The following ITGAV variants were observed in gnomAD, a reference collection of about 807,000 sequenced individuals.
The protein encoded by ITGAV is integrin alpha-V.
Under a neutral mutation model 143.8 loss-of-function variants are expected in ITGAV, and 76 were observed. That is an observed-to-expected ratio of 0.53 (90% CI 0.44 to 0.64). The LOEUF (loss-of-function observed/expected upper bound fraction) is 0.64, where lower values mean the gene tolerates loss of function less well. ITGAV is among the 30% of genes least tolerant of loss of function. The probability of loss-of-function intolerance (pLI) is 0.00; values close to 1 mark genes in which losing one functional copy is unlikely to be tolerated. For missense variants in ITGAV, 1,193 were observed against 1,274.7 expected (o/e 0.94, Z 0.98); for synonymous variants, 453 against 446.7 (o/e 1.01, Z -0.18).
chr2:186,634,382 C>T (rs1687898780), intron 6 of ITGAV, among the ~76,000 whole-genome samples: 1 of 152,100 alleles, frequency 6.6e-6, no homozygotes, highest in Admixed American at 6.6e-5. Context: ...AATTAGAAAA[C>T]CTTTGACTGG....
intron 2 of ITGAV, among the ~76,000 whole-genome samples, chr2:186,621,540 G>C (rs1488503464): frequency 2.0e-5 from 3 of 152,054 alleles, no homozygotes; most frequent in Non-Finnish European, 4.4e-5. Flanking sequence ...AAAAAAAATT[G>C]TCTGGACATA....
chr2:186,664,901 T>C (rs1198461752), intron 20 of ITGAV, among the ~76,000 whole-genome samples: 3 of 152,172 alleles, frequency 2.0e-5, no homozygotes, highest in Non-Finnish European at 2.9e-5. Context: ...GTCCATCAAA[T>C]TATTTGTCAG....
intron 4 of ITGAV, among the ~76,000 whole-genome samples, chr2:186,630,029 A>G (rs1361287997): frequency 1.3e-4 from 20 of 152,136 alleles, no homozygotes; most frequent in Non-Finnish European, 2.9e-4. Flanking sequence ...GTTGGAAAAT[A>G]CTTGAAAGTA....
intron 26 of ITGAV, among the ~76,000 whole-genome samples, chr2:186,670,150 A>G (rs1231861848): frequency 9.2e-5 from 14 of 152,240 alleles, no homozygotes; most frequent in Admixed American, 9.2e-4. Context: ...ACAAAAATAC[A>G]TTGGAATAAT....
rs1307086318 is a variant in ITGAV at position 186,679,532 on chromosome 2, C to G, written c.*2240C>G. ...CATGATTAAATATCAAAAAATTGCCCTATGAAAACTTTAAATCTCTAAAAC... is the reference window on the plus strand; with the variant it reads ...CATGATTAAATATCAAAAAATTGCCGTATGAAAACTTTAAATCTCTAAAAC... On this transcript the variant is annotated 3_prime_UTR_variant, in exon 30 of 30. Coordinates refer to ENST00000261023, the MANE Select transcript of ITGAV (RefSeq NM_002210.5). 3 of 151,452 alleles carry G rather than the reference C, an allele frequency of 2.0e-5. No individual in the cohort carries two copies. The highest frequency in any genetic ancestry group is 7.3e-5 in the African/African-American group (3 of 41,240). The allele number at this position is 151,452 out of a possible 1,614,324, so 9.4% of individuals were successfully genotyped here. A position where few individuals can be genotyped will look rare whatever the true frequency, so the allele number is the denominator to read the frequency against.
intron 28 of ITGAV, chr2:186,676,410 T>C (rs919865863): frequency 1.7e-5 from 3 of 171,908 alleles, no homozygotes; most frequent in Non-Finnish European, 3.7e-5. Flanking sequence ...AAGACCAGCC[T>C]GGCCAACATG....
intron 17 of ITGAV, 35 bp from the exon 18 acceptor site, chr2:186,659,003 A>G: frequency 3.2e-6 from 5 of 1,558,126 alleles, no homozygotes; most frequent in Non-Finnish European, 4.4e-6. Context: ...ATTTAGGTTG[A>G]CGTTATCATT....
intron 2 of ITGAV, among the ~76,000 whole-genome samples, chr2:186,612,745 C>T (rs964044007): frequency 2.6e-5 from 4 of 152,164 alleles, no homozygotes; most frequent in Non-Finnish European, 4.4e-5. Flanking sequence ...TTAAGTTTTA[C>T]TTCCTCCTAT....
intron 2 of ITGAV, among the ~76,000 whole-genome samples, chr2:186,610,982 T>C (rs1221275859): frequency 6.6e-6 from 1 of 152,214 alleles, no homozygotes; most frequent in Non-Finnish European, 1.5e-5. Flanking sequence ...CTGTTATCTT[T>C]AGTTCTGGAG....
chr2:186,678,939 GA>G lies in ITGAV; in HGVS notation c.*1648del. On this transcript the variant is annotated 3_prime_UTR_variant, in exon 30 of 30. Transcript: ENST00000261023. ...TCTTGAGAATATATTCGTAAAATAG[GA>G]GCACATTTAGTTGAGGTATACAAGG... The G allele has an allele frequency of 2.8e-6, 1 of 354,776 alleles. No individual in the cohort carries two copies. Among genetic ancestry groups the G allele is most frequent in the South Asian group, 2.2e-5 (1 of 44,850 alleles). The allele number at this position is 354,776 out of a possible 1,614,324, so 22.0% of individuals were successfully genotyped here.
Position 186,625,586 on chromosome 2 carries a change from A to G in ITGAV, c.522A>G (p.Ser174=), listed in dbSNP as rs1402544224. The change falls in exon 4 of 30, where the codon TCA becomes TCG. Residue 174 remains serine, a splice_region_variant and synonymous_variant. Coordinates refer to ENST00000261023, the MANE Select transcript of ITGAV (RefSeq NM_002210.5). ...CTGTTGAGTATGCTCCATGTAGATCACGTATGTATAGGATATTGTACCAGC... is the reference window on the plus strand; with the variant it reads ...CTGTTGAGTATGCTCCATGTAGATCGCGTATGTATAGGATATTGTACCAGC... The part of the protein sequence containing the change: ...TKTVEYAPCR[S]QDIDADGQGF... The G allele has an allele frequency of 6.2e-7, 1 of 1,602,900 alleles. No individual in the cohort carries two copies. The highest frequency in any genetic ancestry group is 1.1e-5 in the South Asian group (1 of 90,584).
Position 186,600,499 on chromosome 2 carries a change from C to T in ITGAV, c.186-1522C>T, listed in dbSNP as rs1390386350. On this transcript the variant is annotated intron_variant, in intron 1 of 29. Transcript: ENST00000261023. The stretch of plus-strand genomic sequence containing the variant: ...CCTTTACCTAGAGGAAATCTTTCCC[C>T]TCTCATCCTTAGAGATAACTGCTCT... The T allele has an allele frequency of 3.8e-5, 51 of 1,355,526 alleles. No individual in the cohort carries two copies. The Admixed American group carries it at 1.1e-3, about 29-fold the overall frequency. 84.0% of individuals were successfully genotyped at this position (1,355,526 alleles called of 1,614,324 possible). A position where few individuals can be genotyped will look rare whatever the true frequency, so the allele number is the denominator to read the frequency against.
intron 1 of ITGAV, among the ~76,000 whole-genome samples, chr2:186,593,369 C>T (rs999795076): frequency 1.3e-5 from 2 of 151,714 alleles, no homozygotes; most frequent in Non-Finnish European, 2.9e-5. Flanking sequence ...TAAGGCGGCC[C>T]CTCAAAAAAT....
intron 13 of ITGAV, among the ~76,000 whole-genome samples, chr2:186,649,638 A>G (rs542930748): frequency 6.6e-6 from 1 of 152,306 alleles, no homozygotes; most frequent in East Asian, 1.9e-4. Context: ...ATGAAAGTCT[A>G]CTTTATGATA....
chr2:186,671,291 T>A (rs1000072850), intron 26 of ITGAV, among the ~76,000 whole-genome samples: 1 of 152,076 alleles, frequency 6.6e-6, no homozygotes, highest in Non-Finnish European at 1.5e-5. Flanking sequence ...AAGCCCAACA[T>A]CAACAGGCCC....
At chr2:186,629,345 T>C (rs982258893) in intron 4 of ITGAV, among the ~76,000 whole-genome samples, 1 of 151,998 alleles carries the variant, frequency 6.6e-6, no homozygotes, top group Non-Finnish European at 1.5e-5. Context: ...AATTGTACAG[T>C]ATGATAATCA....
chr2:186,629,533 A>C (rs915610581), intron 4 of ITGAV, among the ~76,000 whole-genome samples: 1 of 152,032 alleles, frequency 6.6e-6, no homozygotes, highest in South Asian at 2.1e-4. Context: ...AGAAAAATTT[A>C]CATTGGTTTA....
Position 186,665,172 on chromosome 2 carries a change from G to A in ITGAV, c.2120G>A (p.Arg707His), listed in dbSNP as rs554897868. Residue 707 changes from arginine to histidine, a missense_variant, in exon 21 of 30, where the codon CGC becomes CAC. By Grantham distance (29) the Arg-to-His change is conservative. Coordinates refer to ENST00000261023, the MANE Select transcript of ITGAV (RefSeq NM_002210.5). ...SCAFKTENQTRQVVCDLGNPM... is the reference protein window; with the variant it reads ...SCAFKTENQTHQVVCDLGNPM... ...GCATTTAAGACAGAAAACCAAACTC[G>A]CCAGGTGGTATGTGACCTTGGAAAC... 1.4e-5 allele frequency: 23 copies of A among 1,609,682 alleles called. No homozygotes were observed. In the South Asian group the frequency reaches 1.8e-4, roughly 12 times the overall value.
At chr2:186,593,992 T>A (rs1686681886) in intron 1 of ITGAV, among the ~76,000 whole-genome samples, 1 of 152,164 alleles carries the variant, frequency 6.6e-6, no homozygotes, top group African/African-American at 2.4e-5. Flanking sequence ...TTCTTGCCTT[T>A]CCCCCCATTA....
Sources: gnomAD v4.1 joint callset for allele counts (sites outside exome capture counted in the v4.1 genomes callset) on GRCh38, gnomAD v4.1.1 for gene constraint, MANE v1.5 for transcripts, NCBI Gene and HGNC (gene_info 2026-07-23, HGNC 2026-07-21) for gene names.